Variants in INVS observed in about 807,000 individuals in gnomAD.
INVS encodes the protein inversion of embryo turning homolog.
INVS carries 86 observed loss-of-function variants against 108.8 expected under a neutral mutation model. That is an observed-to-expected ratio of 0.79 (90% CI 0.66 to 0.95). The LOEUF (loss-of-function observed/expected upper bound fraction) is 0.95. INVS is among the 40% of genes least tolerant of loss of function. INVS has a pLI of 0.00. For synonymous variants in INVS, 455 were observed against 473.5 expected (o/e 0.96, Z 0.51); for missense variants, 1,169 against 1,297.4 (o/e 0.90, Z 1.52).
Position 100,140,517 on chromosome 9 carries a change from G to A in INVS, c.273+13968G>A, listed in dbSNP as rs181346665. 1.8e-3 allele frequency among the ~76,000 whole-genome samples: 276 copies of A among 152,220 alleles called. 5 individuals carry two copies. The highest frequency in any genetic ancestry group is 0.01 in the Middle Eastern group (3 of 294). On this transcript the variant is annotated intron_variant, in intron 3 of 16. Coordinates refer to ENST00000262457, the MANE Select transcript of INVS (RefSeq NM_014425.5). The stretch of plus-strand genomic sequence containing the variant: ...GGTGGAATGTCATCAGTTAAGGCAG[G>A]AACCGGCCATCTGGATGTGTACGTG...
chr9:100,125,050 G>A (rs1411813889), intron 2 of INVS, among the ~76,000 whole-genome samples: 1 of 152,168 alleles, frequency 6.6e-6, no homozygotes, highest in Non-Finnish European at 1.5e-5. Context: ...AATTCTCAGA[G>A]CTTTTGCTAT....
chr9:100,297,141 T>C lies in INVS; in HGVS notation c.3011T>C (p.Ile1004Thr). ...ACCAAGCACTCAGTGCTTAAGCAAA[T>C]CTATGGTAACTGTCCTTCTGCCTAC... Reference protein sequence around the residue: ...KSTKHSVLKQIYGCSHEGKIH... With the variant: ...KSTKHSVLKQTYGCSHEGKIH... The change falls in exon 15 of 17, where the codon ATC becomes ACC. Residue 1004 changes from isoleucine to threonine, a missense_variant. Around this residue, in one of 3 missense-constraint regions of INVS, gnomAD observed 533 missense variants for 536.0 expected, o/e 0.99. Coordinates refer to ENST00000262457, the MANE Select transcript of INVS (RefSeq NM_014425.5). 1 of 1,613,370 alleles carries C rather than the reference T, an allele frequency of 6.2e-7. No homozygotes were observed. The highest frequency in any genetic ancestry group is 8.5e-7 in the Non-Finnish European group (1 of 1,179,458).
intron 10 of INVS, among the ~76,000 whole-genome samples, chr9:100,259,530 C>A (rs1378740746): frequency 6.6e-6 from 1 of 151,314 alleles, no homozygotes; most frequent in East Asian, 1.9e-4. Context: ...TGGAGCTGTT[C>A]CTGTTTGGCC....
At chr9:100,177,768 G>A (rs1426640960) in intron 3 of INVS, among the ~76,000 whole-genome samples, 1 of 152,212 alleles carries the variant, frequency 6.6e-6, no homozygotes, top group Non-Finnish European at 1.5e-5. Context: ...CACAGCGCTC[G>A]AGCTCTGCTA....
chr9:100,294,018 A>T (rs574451561), intron 14 of INVS, among the ~76,000 whole-genome samples: 20 of 152,218 alleles, frequency 1.3e-4, no homozygotes, highest in East Asian at 1.2e-3. Flanking sequence ...AAGTACAACA[A>T]TTACCTACGC....
chr9:100,174,122 ATGGAGAACAACTATCTTTGT>A (rs1247935298), intron 3 of INVS, among the ~76,000 whole-genome samples: 1 of 152,236 alleles, frequency 6.6e-6, no homozygotes, highest in African/African-American at 2.4e-5. Flanking sequence ...AAAAGTAACA[ATGGAGAACAACTATCTTTGT>A]TGTTCCAGAT....
chr9:100,114,686 G>A (rs555936296), intron 2 of INVS, among the ~76,000 whole-genome samples: 69 of 152,276 alleles, frequency 4.5e-4, no homozygotes, highest in African/African-American at 1.4e-3. Context: ...GATTATGGGC[G>A]TGAGCCACTG....
intron 4 of INVS, among the ~76,000 whole-genome samples, chr9:100,227,627 AAAC>A (rs1396240588): frequency 6.6e-6 from 1 of 152,270 alleles, no homozygotes; most frequent in Non-Finnish European, 1.5e-5. Context: ...TTTCTGTTTA[AAAC>A]AACAACAACA....
At chr9:100,174,582 T>C (rs979807590) in intron 3 of INVS, among the ~76,000 whole-genome samples, 2 of 152,078 alleles carry the variant, frequency 1.3e-5, no homozygotes, top group Non-Finnish European at 2.9e-5. Context: ...TACATTTAAA[T>C]ATTCAAGAAA....
intron 12 of INVS, among the ~76,000 whole-genome samples, chr9:100,276,955 C>T (rs1239389479): frequency 6.6e-6 from 1 of 152,244 alleles, no homozygotes; most frequent in Non-Finnish European, 1.5e-5. Context: ...ACTTCACTTA[C>T]TGGGAGACCT....
At chr9:100,163,595 A>G (rs1009243370) in intron 3 of INVS, among the ~76,000 whole-genome samples, 1 of 152,182 alleles carries the variant, frequency 6.6e-6, no homozygotes, top group Non-Finnish European at 1.5e-5. Flanking sequence ...ATGGGGATAC[A>G]TGCTATGGAA....
chr9:100,156,070 T>G (rs1828968830), intron 3 of INVS, among the ~76,000 whole-genome samples: 3 of 151,996 alleles, frequency 2.0e-5, no homozygotes, highest in African/African-American at 7.2e-5. Flanking sequence ...GGACAAGTAA[T>G]ATATGAAATG....
chr9:100,227,495 T>C (rs1042972932), intron 4 of INVS, among the ~76,000 whole-genome samples: 2 of 147,038 alleles, frequency 1.4e-5, no homozygotes, highest in Admixed American at 6.6e-5. Flanking sequence ...GCCAGTCTTA[T>C]AGAATTATGT....
At chr9:100,289,255 C>T (rs1833542183) in intron 13 of INVS, among the ~76,000 whole-genome samples, 1 of 152,220 alleles carries the variant, frequency 6.6e-6, no homozygotes. Context: ...CACTGAATAA[C>T]AAGGTTCACT....
At chr9:100,184,314 A>G (rs535192125) in intron 3 of INVS, among the ~76,000 whole-genome samples, 34 of 152,314 alleles carry the variant, frequency 2.2e-4, no homozygotes, top group African/African-American at 8.2e-4. Flanking sequence ...GTGCTAAATC[A>G]AAGTTATTGG....
chr9:100,108,775 A>C (rs574808474), intron 2 of INVS, among the ~76,000 whole-genome samples: 76 of 152,296 alleles, frequency 5.0e-4, no homozygotes, highest in African/African-American at 1.7e-3. Context: ...CTTTCTACAT[A>C]CACAACGAAT....
intron 3 of INVS, among the ~76,000 whole-genome samples, chr9:100,172,568 A>T (rs1829574370): frequency 6.6e-6 from 1 of 152,220 alleles, no homozygotes. Flanking sequence ...GAAGCTTGGT[A>T]CTGGTCTCAT....
chr9:100,176,853 G>C (rs913275773), intron 3 of INVS, among the ~76,000 whole-genome samples: 1 of 151,994 alleles, frequency 6.6e-6, no homozygotes, highest in Non-Finnish European at 1.5e-5. Context: ...CAGCCCCTTT[G>C]GCTCTGTGTT....
intron 12 of INVS, among the ~76,000 whole-genome samples, chr9:100,277,588 A>AT (rs1038129756): frequency 1.4e-4 from 22 of 151,840 alleles, no homozygotes; most frequent in South Asian, 8.4e-4. Context: ...GGATCTATAG[A>AT]TTTTTTTTTA....
Sources: allele counts gnomAD v4.1 joint callset (sites outside exome capture counted in the v4.1 genomes callset), GRCh38; gene constraint gnomAD v4.1.1; regional missense constraint gnomAD v4.1.1; transcripts MANE v1.5; gene names NCBI Gene and HGNC (gene_info 2026-07-23, HGNC 2026-07-21).